GPC5: variants seen among roughly 807,000 people sequenced by gnomAD.
The protein encoded by GPC5 is glypican 5.
GPC5 carries 47 observed loss-of-function variants against 53.9 expected under a neutral mutation model. The ratio of observed to expected loss-of-function variants is 0.87; its 90% CI spans 0.69 to 1.11. The LOEUF (loss-of-function observed/expected upper bound fraction) is 1.11. Ranked by LOEUF, GPC5 falls within the 50% of genes most tolerant of loss-of-function variation. The probability of loss-of-function intolerance (pLI) is 0.00; values close to 1 mark genes in which losing one functional copy is unlikely to be tolerated. For missense variants in GPC5, 748 were observed against 713.1 expected, an observed-to-expected ratio of 1.05 and a Z score of -0.56; for synonymous variants, 286 against 263.3, an observed-to-expected ratio of 1.09 and a Z score of -0.84.
intron 1 of GPC5, among the ~76,000 whole-genome samples, chr13:91,412,577 A>G (rs557804763): frequency 2.0e-5 from 3 of 152,362 alleles, no homozygotes; most frequent in East Asian, 3.9e-4. Flanking sequence ...AAAAGAACAT[A>G]AAGAGGAAAC....
chr13:92,691,275 G>A (rs560112662), intron 7 of GPC5, among the ~76,000 whole-genome samples: 7 of 123,622 alleles, frequency 5.7e-5, no homozygotes, highest in East Asian at 6.0e-4. Flanking sequence ...ATGGTGCGCC[G>A]TTTCTTAAGC....
intron 2 of GPC5, among the ~76,000 whole-genome samples, chr13:91,636,931 G>T (rs909734708): frequency 1.3e-5 from 2 of 152,166 alleles, no homozygotes; most frequent in African/African-American, 4.8e-5. Flanking sequence ...CTATACTCCA[G>T]TGGCAGAGGG....
rs71272300 is a variant in GPC5 at position 91,689,230 on chromosome 13, TAC to T, written c.326-3953_326-3952del. ...ATATATATATATATATATATATATA[TAC>T]ACATATAAAATTATGGTATAAATTT... On this transcript the variant is annotated intron_variant, in intron 2 of 7. Transcript: ENST00000377067. 9.9e-3 allele frequency among the ~76,000 whole-genome samples: 802 copies of T among 80,944 alleles called. 23 individuals are homozygous for T. Among genetic ancestry groups the T allele is most frequent in the African/African-American group, 0.023 (416 of 18,372 alleles). The allele number at this position is 80,944 out of a possible 152,430, so 53.1% of individuals were successfully genotyped here.
chr13:92,388,444 T>C (rs1259799276), intron 7 of GPC5, among the ~76,000 whole-genome samples: 1 of 152,128 alleles, frequency 6.6e-6, no homozygotes, highest in Non-Finnish European at 1.5e-5. Context: ...TAAGACAGCA[T>C]GGATATTAAC....
chr13:92,064,387 A>G (rs2041148615), intron 6 of GPC5, among the ~76,000 whole-genome samples: 1 of 152,156 alleles, frequency 6.6e-6, no homozygotes, highest in African/African-American at 2.4e-5. Context: ...TACAGGCTGG[A>G]CATTTGGATA....
At chr13:91,884,852 T>C (rs1300252571) in intron 5 of GPC5, among the ~76,000 whole-genome samples, 2 of 152,188 alleles carry the variant, frequency 1.3e-5, no homozygotes, top group Non-Finnish European at 2.9e-5. Flanking sequence ...TGGAAAGTTT[T>C]TCCTTTCTCT....
intron 7 of GPC5, among the ~76,000 whole-genome samples, chr13:92,567,233 G>T (rs751651567): frequency 1.3e-5 from 2 of 152,084 alleles, no homozygotes; most frequent in Non-Finnish European, 2.9e-5. Context: ...TTTTGGCATT[G>T]TCTGCTTCAA....
intron 7 of GPC5, among the ~76,000 whole-genome samples, chr13:92,664,020 C>G (rs1453595892): frequency 6.6e-6 from 1 of 150,446 alleles, no homozygotes; most frequent in Admixed American, 6.7e-5. Flanking sequence ...TGCAGTGAGC[C>G]GAGATTGCGC....
At chr13:91,438,303 T>C (rs1245787147) in intron 1 of GPC5, among the ~76,000 whole-genome samples, 1 of 152,190 alleles carries the variant, frequency 6.6e-6, no homozygotes, top group Non-Finnish European at 1.5e-5. Context: ...TATCTACCTT[T>C]GGTCTTTGAT....
intron 7 of GPC5, among the ~76,000 whole-genome samples, chr13:92,385,418 A>G (rs1478421872): frequency 4.8e-5 from 1 of 20,724 alleles, no homozygotes; most frequent in Non-Finnish European, 1.4e-4. Context: ...ACACATATAT[A>G]TACATATATA....
At chr13:92,615,600 C>T (rs1171478611) in intron 7 of GPC5, among the ~76,000 whole-genome samples, 2 of 152,036 alleles carry the variant, frequency 1.3e-5, no homozygotes, top group Non-Finnish European at 2.9e-5. Context: ...AGTAAAATTA[C>T]CAAATTGTGT....
intron 2 of GPC5, among the ~76,000 whole-genome samples, chr13:91,576,717 A>C (rs1189512447): frequency 6.6e-6 from 1 of 152,192 alleles, no homozygotes; most frequent in African/African-American, 2.4e-5. Flanking sequence ...CCCTTCTGCC[A>C]GCAACTGTTA....
chr13:91,905,297 A>ATCTC (rs1013492899), intron 5 of GPC5, among the ~76,000 whole-genome samples: 2 of 151,750 alleles, frequency 1.3e-5, no homozygotes, highest in Non-Finnish European at 2.9e-5. Flanking sequence ...TTCTCTCTCT[A>ATCTC]TCTCTCTCTA....
chr13:91,720,382 A>T (rs1042812790), intron 3 of GPC5, among the ~76,000 whole-genome samples: 1 of 152,202 alleles, frequency 6.6e-6, no homozygotes, highest in African/African-American at 2.4e-5. Context: ...CTTTTGAAAC[A>T]TTTAATCATT....
At chr13:92,356,582 G>A (rs2043524321) in intron 7 of GPC5, among the ~76,000 whole-genome samples, 1 of 152,116 alleles carries the variant, frequency 6.6e-6, no homozygotes, top group Admixed American at 6.6e-5. Context: ...ATTTGTTGAT[G>A]GATTGGATAT....
chr13:91,964,014 C>T (rs1288266494), intron 6 of GPC5, among the ~76,000 whole-genome samples: 1 of 152,124 alleles, frequency 6.6e-6, no homozygotes, highest in African/African-American at 2.4e-5. Context: ...TTGGTGGGTT[C>T]TTGGTCTCGC....
At chr13:92,627,113 G>A (rs1885070355) in intron 7 of GPC5, among the ~76,000 whole-genome samples, 1 of 152,096 alleles carries the variant, frequency 6.6e-6, no homozygotes, top group Admixed American at 6.5e-5. Context: ...AAGTCACAAG[G>A]AATGTGGGTA....
chr13:92,568,985 G>C (rs1882942248), intron 7 of GPC5, among the ~76,000 whole-genome samples: 1 of 151,360 alleles, frequency 6.6e-6, no homozygotes, highest in Non-Finnish European at 1.5e-5. Flanking sequence ...TTGCAGGTTA[G>C]TTACATATGT....
At chr13:91,970,856 G>A (rs1272680826) in intron 6 of GPC5, among the ~76,000 whole-genome samples, 1 of 152,184 alleles carries the variant, frequency 6.6e-6, no homozygotes, top group African/African-American at 2.4e-5. Flanking sequence ...TGTGCTGCTG[G>A]ATTCGGTTTG....
Sources: allele counts gnomAD v4.1 joint callset (sites outside exome capture counted in the v4.1 genomes callset), GRCh38; gene constraint gnomAD v4.1.1; transcripts MANE v1.5; gene names NCBI Gene and HGNC (gene_info 2026-07-23, HGNC 2026-07-21).